Variants in CLIC5 observed in about 807,000 individuals in gnomAD.
The protein encoded by CLIC5 is chloride intracellular channel protein 5.
A neutral mutation model predicts 24.7 loss-of-function variants in CLIC5; 20 were observed. The ratio of observed to expected loss-of-function variants is 0.81; its 90% CI spans 0.57 to 1.18. CLIC5 has a LOEUF of 1.18. Ranked by LOEUF, CLIC5 falls within the 50% of genes most tolerant of loss-of-function variation. The pLI is 0.00. For synonymous variants in CLIC5, 159 were observed against 135.6 expected (o/e 1.17, Z -1.20); for missense variants, 341 against 326.1 (o/e 1.05, Z -0.35).
chr6:46,074,688 A>G (rs368437986), intron 1 of CLIC5, among the ~76,000 whole-genome samples: 1 of 152,170 alleles, frequency 6.6e-6, no homozygotes, highest in Non-Finnish European at 1.5e-5. Context: ...TCTTATGTCA[A>G]CTTTTCCAAC....
chr6:45,887,580 A>G (rs1762316449), intron 6 of CLIC5, among the ~76,000 whole-genome samples: 1 of 151,976 alleles, frequency 6.6e-6, no homozygotes, highest in Admixed American at 6.6e-5. Flanking sequence ...TTTTGGGGGG[A>G]CACAATTCAA....
At chr6:45,934,872 AC>A (rs1478051361) in intron 4 of CLIC5, among the ~76,000 whole-genome samples, 16 of 152,188 alleles carry the variant, frequency 1.1e-4, no homozygotes, top group African/African-American at 3.9e-4. Context: ...GGGGTAGGAG[AC>A]TTTTCAAATT....
At chr6:45,895,881 TC>T (rs1263749999), downstream of CLIC5, among the ~76,000 whole-genome samples, 2 of 152,212 alleles carry the variant, frequency 1.3e-5, no homozygotes, top group Non-Finnish European at 2.9e-5. Flanking sequence ...ATTATGCATC[TC>T]AGCGGTCTAG....
chr6:45,915,277 A>G (rs1000622171), intron 4 of CLIC5, among the ~76,000 whole-genome samples: 14 of 152,140 alleles, frequency 9.2e-5, no homozygotes, highest in African/African-American at 2.7e-4. Context: ...ATTTGCTAAT[A>G]TTCCACATCA....
intron 2 of CLIC5, among the ~76,000 whole-genome samples, chr6:45,951,479 T>C (rs1356117470): frequency 6.6e-6 from 1 of 152,188 alleles, no homozygotes; most frequent in Non-Finnish European, 1.5e-5. Context: ...GAAAGGAAAG[T>C]GGCCTTGTGT....
chr6:45,907,217 T>A lies in CLIC5; in HGVS notation c.589-3962A>T, dbSNP rs555227657. On this transcript the variant is annotated intron_variant, in intron 5 of 5. Coordinates refer to ENST00000339561, the MANE Select transcript of CLIC5 (RefSeq NM_016929.5). Reference sequence around the variant, plus strand: ...GGGTGTTCCTTTAATGCCTAATTTATTGAAGGTTTTTGTCATGAAGGGATG... The same window carrying A: ...GGGTGTTCCTTTAATGCCTAATTTAATGAAGGTTTTTGTCATGAAGGGATG... Among the ~76,000 whole-genome samples, 3 of 152,326 alleles carry A rather than the reference T, an allele frequency of 2.0e-5. No homozygotes were observed. The South Asian group carries it at 6.2e-4, about 32-fold the overall frequency.
chr6:46,067,801 T>A (rs1163717157), intron 1 of CLIC5, among the ~76,000 whole-genome samples: 1 of 152,162 alleles, frequency 6.6e-6, no homozygotes, highest in Non-Finnish European at 1.5e-5. Flanking sequence ...GTCCCTTGCA[T>A]CAAGGGGGAA....
At chr6:46,067,406 A>AT (rs1762472589) in intron 1 of CLIC5, among the ~76,000 whole-genome samples, 1 of 152,128 alleles carries the variant, frequency 6.6e-6, no homozygotes. Context: ...GCCAGCTGAT[A>AT]TTCTCTCCCG....
chr6:45,898,269 C>T (rs187555639), downstream of CLIC5, among the ~76,000 whole-genome samples: 38 of 151,978 alleles, frequency 2.5e-4, no homozygotes, highest in East Asian at 6.4e-3. Flanking sequence ...ATGGTGACAC[C>T]CCCATCTCTA....
intron 6 of CLIC5, among the ~76,000 whole-genome samples, chr6:45,889,823 A>C (rs1374024528): frequency 6.6e-6 from 1 of 152,236 alleles, no homozygotes; most frequent in Non-Finnish European, 1.5e-5. Context: ...ACACATGTTC[A>C]AAGACATCTG....
intron 1 of CLIC5, among the ~76,000 whole-genome samples, chr6:45,965,455 A>T (rs1188476443): frequency 6.6e-6 from 1 of 152,192 alleles, no homozygotes; most frequent in East Asian, 1.9e-4. Context: ...ATTGAAGTTT[A>T]TTGGAAGCCT....
intron 1 of CLIC5, among the ~76,000 whole-genome samples, chr6:46,023,453 G>A (rs1767241720): frequency 6.6e-6 from 1 of 152,182 alleles, no homozygotes. Context: ...GTGGTTGGAG[G>A]AGGTTGGGAT....
chr6:45,949,338 G>T lies in CLIC5; in HGVS notation c.217C>A (p.Pro73Thr). The T allele has an allele frequency of 6.2e-7, 1 of 1,614,042 alleles. No homozygotes were observed. The highest frequency in any genetic ancestry group is 8.5e-7 in the Non-Finnish European group (1 of 1,179,928). The change falls in exon 3 of 6, where the codon CCC becomes ACC. Residue 73 changes from proline to threonine, a missense_variant. Coordinates refer to ENST00000339561, the MANE Select transcript of CLIC5 (RefSeq NM_016929.5). ...ACGTCCCCGTTGAAGGTCAGGAAGGGCGGGTGCGTGCCGGGGGCTAGGTTG... is the reference window on the plus strand; with the variant it reads ...ACGTCCCCGTTGAAGGTCAGGAAGGTCGGGTGCGTGCCGGGGGCTAGGTTG... Reference protein sequence around the residue: ...LHNLAPGTHPPFLTFNGDVKT... With the variant: ...LHNLAPGTHPTFLTFNGDVKT...
chr6:45,921,494 C>A (rs1440322786), intron 4 of CLIC5, among the ~76,000 whole-genome samples: 1 of 152,158 alleles, frequency 6.6e-6, no homozygotes. Flanking sequence ...AGGTTCACAT[C>A]ATCTAGTGTC....
intron 4 of CLIC5, among the ~76,000 whole-genome samples, chr6:45,915,419 G>T (rs962650777): frequency 6.6e-6 from 1 of 152,148 alleles, no homozygotes; most frequent in African/African-American, 2.4e-5. Flanking sequence ...CCCAAGAAGA[G>T]TTGGGGACAA....
rs1294456064 is a variant in CLIC5 at position 45,900,831 on chromosome 6, G to C, written c.*2257C>G. 6.6e-6 allele frequency: 1 copy of C among 152,164 alleles called. No individual in the cohort carries two copies. The highest frequency in any genetic ancestry group is 1.5e-5 in the Non-Finnish European group (1 of 68,028). 9.4% of individuals were successfully genotyped at this position (152,164 alleles called of 1,614,324 possible). ...AGGGACATCTAGAAACAGCAATATT[G>C]ATTTGGTTTGGCCTGTTTGTTTTTA... On this transcript the variant is annotated 3_prime_UTR_variant, in exon 6 of 6. Coordinates refer to ENST00000339561, the MANE Select transcript of CLIC5 (RefSeq NM_016929.5).
intron 1 of CLIC5, among the ~76,000 whole-genome samples, chr6:45,964,029 A>G (rs932278603): frequency 6.6e-6 from 1 of 152,206 alleles, no homozygotes; most frequent in African/African-American, 2.4e-5. Flanking sequence ...ATGTCTTCCA[A>G]GTGATTCCAC....
intron 1 of CLIC5, among the ~76,000 whole-genome samples, chr6:46,006,465 C>T (rs1766587344): frequency 6.6e-6 from 1 of 151,650 alleles, no homozygotes; most frequent in Non-Finnish European, 1.5e-5. Flanking sequence ...TTTTTATCTG[C>T]CTTCCCAATA....
intron 1 of CLIC5, among the ~76,000 whole-genome samples, chr6:46,008,396 G>T (rs536306522): frequency 2.0e-5 from 3 of 152,234 alleles, no homozygotes; most frequent in East Asian, 3.9e-4. Flanking sequence ...ACCCAAAGCT[G>T]GGCCTGAAGA....
Sources: allele counts gnomAD v4.1 joint callset (sites outside exome capture counted in the v4.1 genomes callset), GRCh38; gene constraint gnomAD v4.1.1; transcripts MANE v1.5; gene names NCBI Gene and HGNC (gene_info 2026-07-23, HGNC 2026-07-21).